SNX1: variants seen among roughly 807,000 people sequenced by gnomAD.
SNX1 encodes the protein sorting nexin-1.
A neutral mutation model predicts 71.8 loss-of-function variants in SNX1; 36 were observed. The observed-to-expected ratio is 0.50, with a 90% CI of 0.38 to 0.66. The LOEUF is 0.66. Among genes scored for constraint, SNX1 ranks in the 30% least tolerant of loss-of-function variants. SNX1 has a pLI of 0.00. For missense variants in SNX1, 612 were observed against 646.7 expected, an observed-to-expected ratio of 0.95 and a Z score of 0.58; for synonymous variants, 254 against 240.7, an observed-to-expected ratio of 1.06 and a Z score of -0.51.
chr15:64,127,675 C>G, intron 7 of SNX1, 56 bp from the exon 8 acceptor site: 1 of 1,348,386 alleles, frequency 7.4e-7, no homozygotes, highest in Non-Finnish European at 1.1e-6. Flanking sequence ...CTGTGTGACG[C>G]CCAGAACCTT....
In SNX1 at chr15:64,136,950, G is replaced by C. The variant is rs754740349; in HGVS notation, c.1518+18G>C. 2 of 1,607,882 alleles carry C rather than the reference G, an allele frequency of 1.2e-6. No homozygotes were observed. The highest frequency in any genetic ancestry group is 2.2e-5 in the South Asian group (2 of 90,826). On this transcript the variant is annotated intron_variant, in intron 14 of 14. Transcript: ENST00000559844. ...AGCAGCAGGTATGTAAGTTGTGTGTGACCTTCATCCTCTACTGCCTGCTCC... is the reference window on the plus strand; with the variant it reads ...AGCAGCAGGTATGTAAGTTGTGTGTCACCTTCATCCTCTACTGCCTGCTCC...
At chr15:64,127,023 AC>A in intron 6 of SNX1, 150 bp from the exon 7 acceptor site, 1 of 609,710 alleles carries the variant, frequency 1.6e-6, no homozygotes, top group Non-Finnish European at 2.9e-6. Context: ...CATGTAAAGA[AC>A]CTTTTGTTCA....
Position 64,096,023 on chromosome 15 carries a change from G to A in SNX1, c.10G>A (p.Gly4Ser), listed in dbSNP as rs1315517456. 5 of 1,596,398 alleles carry A rather than the reference G, an allele frequency of 3.1e-6. No individual in the cohort carries two copies. Among genetic ancestry groups the A allele is most frequent in the Non-Finnish European group, 4.3e-6 (5 of 1,175,352 alleles). MAS[G>S]GGGCSASERL... ...CCGCGGGTGGAAGAAGATGGCGTCG[G>A]GTGGTGGTGGCTGTAGCGCTTCGGA... Residue 4 changes from glycine (G) to serine (S), a missense_variant, in exon 1 of 15, where the codon GGT (glycine) becomes AGT (serine). Physicochemically the swap from Gly to Ser is moderately conservative, Grantham distance 56. Around this residue, in one of 2 missense-constraint regions of SNX1, gnomAD observed 316 missense variants for 284.9 expected, o/e 1.11. Transcript: ENST00000559844.
In SNX1 at chr15:64,118,102, T is replaced by C; in HGVS notation, c.272-15T>C. ...CATTACTGACCTTCATTTTAAAATA[T>C]CAACTTCATTTTAGATGCCACAGTG... On this transcript the variant is annotated splice_polypyrimidine_tract_variant and intron_variant, in intron 2 of 14. Transcript: ENST00000559844. 1 of 1,609,810 alleles carries C rather than the reference T, an allele frequency of 6.2e-7. No individual in the cohort carries two copies. Among genetic ancestry groups the C allele is most frequent in the Non-Finnish European group, 8.5e-7 (1 of 1,178,662 alleles).
rs146881848 is a variant in SNX1, at chr15:64,136,739, C to T, written c.1447-122C>T. On this transcript the variant is annotated intron_variant, in intron 13 of 14. Transcript: ENST00000559844. ...GACCCTCTTTGGCTGGAAATTACAG[C>T]TGTTCCACCTGCTGCCTCTACTTTC... The T allele has an allele frequency of 1.5e-3, 1,078 of 710,646 alleles. 8 individuals are homozygous for T. In the African/African-American group the frequency reaches 0.017, roughly 11 times the overall value. The allele number at this position is 710,646 out of a possible 1,614,324, so 44.0% of individuals were successfully genotyped here.
intron 14 of SNX1, 76 bp from the exon 15 acceptor site, chr15:64,137,492 G>A (rs1048500256): frequency 6.4e-7 from 1 of 1,564,410 alleles, no homozygotes; most frequent in Non-Finnish European, 8.8e-7. Flanking sequence ...AGGGTACTGT[G>A]CTTGATTCCT....
At chr15:64,107,922 A>G (rs993924166) in intron 1 of SNX1, among the ~76,000 whole-genome samples, 1 of 152,164 alleles carries the variant, frequency 6.6e-6, no homozygotes, top group East Asian at 1.9e-4. Context: ...GGCCGGGCGC[A>G]GTGGCTCACG....
In SNX1 at chr15:64,138,042, G is replaced by C. The variant is rs2081378506; in HGVS notation, c.*424G>C. On this transcript the variant is annotated 3_prime_UTR_variant, in exon 15 of 15. Coordinates refer to ENST00000559844, the MANE Select transcript of SNX1 (RefSeq NM_003099.5). ...CAGAATGTTGGTGGTTTTTGCTTAG[G>C]CTGGGGAGCAGTTGGGAATCAGGTC... 6.6e-7 allele frequency: 1 copy of C among 1,523,328 alleles called. No homozygotes were observed. The highest frequency in any genetic ancestry group is 1.4e-5 in the African/African-American group (1 of 72,452). The allele number at this position is 1,523,328 out of a possible 1,614,324, so 94.4% of individuals were successfully genotyped here. A position where few individuals can be genotyped will look rare whatever the true frequency, so the allele number is the denominator to read the frequency against.
intron 8 of SNX1, among the ~76,000 whole-genome samples, chr15:64,128,472 C>T (rs1466367335): frequency 2.0e-5 from 3 of 152,160 alleles, no homozygotes; most frequent in Admixed American, 6.5e-5. Context: ...TTTTATCTCA[C>T]AGGAAAGCAA....
At chr15:64,122,403 T>G (rs915062359) in intron 4 of SNX1, among the ~76,000 whole-genome samples, 5 of 152,244 alleles carry the variant, frequency 3.3e-5, no homozygotes, top group African/African-American at 9.6e-5. Context: ...GTTTCTGTTT[T>G]ATATACACCC....
chr15:64,119,962 T>G (rs2081178850), intron 4 of SNX1, among the ~76,000 whole-genome samples: 1 of 152,148 alleles, frequency 6.6e-6, no homozygotes, highest in South Asian at 2.1e-4. Context: ...GGGATCCAAG[T>G]TGAATTGTAC....
intron 1 of SNX1, among the ~76,000 whole-genome samples, chr15:64,099,276 C>T (rs73460656): frequency 0.039 from 5,946 of 152,198 alleles, 400 homozygotes; most frequent in African/African-American, 0.14. Flanking sequence ...TATTTACCTC[C>T]ACCACTATTG....
chr15:64,114,486 T>C (rs894884110), intron 2 of SNX1, among the ~76,000 whole-genome samples: 2 of 152,204 alleles, frequency 1.3e-5, no homozygotes, highest in Admixed American at 1.3e-4. Context: ...AGCTTTGGTT[T>C]TAGATACTTT....
intron 1 of SNX1, among the ~76,000 whole-genome samples, chr15:64,102,485 C>G (rs535761579): frequency 1.3e-5 from 2 of 152,248 alleles, no homozygotes; most frequent in African/African-American, 4.8e-5. Context: ...CTTATTCCTT[C>G]TAATTGTATT....
At chr15:64,117,947 C>T (rs1209949444) in intron 2 of SNX1, among the ~76,000 whole-genome samples, 170 bp from the exon 3 acceptor site, 1 of 152,162 alleles carries the variant, frequency 6.6e-6, no homozygotes, top group East Asian at 1.9e-4. Flanking sequence ...AAGAACACTT[C>T]CCTTACCTTC....
chr15:64,131,873 G>A lies in SNX1; in HGVS notation c.1202G>A (p.Arg401His), dbSNP rs1426456011. 3.1e-6 allele frequency: 5 copies of A among 1,614,104 alleles called. No homozygotes were observed. The highest frequency in any genetic ancestry group is 1.1e-5 in the South Asian group (1 of 91,072). ...GCTGAGCTCCTGAGTGACTACATTC[G>A]CCTCCTGGCCATAGTCCGCGTAAGC... ...LLAELLSDYI[R>H]LLAIVRAAFD... The change falls in exon 11 of 15, where the codon CGC becomes CAC. Residue 401 changes from arginine (R) to histidine (H), a missense_variant. This residue lies in a region of SNX1 where 296 missense variants were observed against 361.9 expected (regional missense o/e 0.82). Transcript: ENST00000559844.
chr15:64,118,130 G>A lies in SNX1; in HGVS notation c.285G>A (p.Glu95=). 6.2e-7 allele frequency: 1 copy of A among 1,612,004 alleles called. No homozygotes were observed. Among genetic ancestry groups the A allele is most frequent in the Non-Finnish European group, 8.5e-7 (1 of 1,179,428 alleles). The change falls in exon 3 of 15, where the codon GAG becomes GAA. Residue 95 remains glutamate, a synonymous_variant. Coordinates refer to ENST00000559844, the MANE Select transcript of SNX1 (RefSeq NM_003099.5). The part of the protein sequence containing the change: ...PQDLFADATV[E]LSLDSTQNNQ... The stretch of plus-strand genomic sequence containing the variant: ...ACTTCATTTTAGATGCCACAGTGGA[G>A]CTATCCTTGGACAGCACACAAAATA...
chr15:64,127,259 G>A lies in SNX1; in HGVS notation c.731+7G>A, dbSNP rs1428264797. 1 of 1,605,534 alleles carries A rather than the reference G, an allele frequency of 6.2e-7. No homozygotes were observed. The highest frequency in any genetic ancestry group is 2.2e-5 in the East Asian group (1 of 44,824). ...GGAGGGCCGCTTTAGAAAGGTAAGT[G>A]CCATGCAGCCATTTTCCTGAATAAT... is the stretch of plus-strand genomic sequence containing the variant. On this transcript the variant is annotated splice_region_variant and intron_variant, in intron 7 of 14. Coordinates refer to ENST00000559844, the MANE Select transcript of SNX1 (RefSeq NM_003099.5).
rs957762926 is a variant in SNX1 at position 64,134,804 on chromosome 15, C to T, written c.1362C>T (p.Leu454=). ...DKLQQAKDEI[L]EWESRVTQYE... ...TGCAGCAGGCCAAGGACGAGATCCT[C>T]GAGGTGAGTCCACTGAGGCAGCCCA... Residue 454 remains leucine (L), a synonymous_variant, in exon 12 of 15, where the codon CTC becomes CTT. Coordinates refer to ENST00000559844, the MANE Select transcript of SNX1 (RefSeq NM_003099.5). This position sits in a 1 kb window ranked among gnomAD's most constrained non-coding sequence, Gnocchi z 4.1. 98 of 1,613,696 alleles carry T rather than the reference C, an allele frequency of 6.1e-5. No individual in the cohort carries two copies. The highest frequency in any genetic ancestry group is 1.2e-4 in the African/African-American group (9 of 74,936).
Sources: gnomAD v4.1 joint callset for allele counts (sites outside exome capture counted in the v4.1 genomes callset) on GRCh38, gnomAD v4.1.1 for gene constraint, gnomAD v4.1.1 regional missense constraint, Gnocchi (gnomAD v3.1) non-coding constraint, MANE v1.5 for transcripts, NCBI Gene and HGNC (gene_info 2026-07-23, HGNC 2026-07-21) for gene names.